Variants in MYOM2 observed in about 807,000 individuals in gnomAD.
MYOM2 encodes the protein myomesin 2, also known as myomesin-2.
A neutral mutation model predicts 187.6 loss-of-function variants in MYOM2; 254 were observed. The observed-to-expected ratio is 1.35, with a 90% CI of 1.22 to 1.50. The LOEUF (loss-of-function observed/expected upper bound fraction) is 1.50, where lower values mean the gene tolerates loss of function less well. Among genes scored for constraint, MYOM2 ranks in the 40% most tolerant of loss-of-function variants. MYOM2 has a pLI of 0.00. For missense variants in MYOM2, 2,796 were observed against 1,924.0 expected, an observed-to-expected ratio of 1.45 and a Z score of -8.48; for synonymous variants, 981 against 753.8, an observed-to-expected ratio of 1.30 and a Z score of -4.94.
intron 32 of MYOM2, among the ~76,000 whole-genome samples, chr8:2,136,554 T>G (rs953399817): frequency 2.0e-5 from 3 of 152,176 alleles, no homozygotes; most frequent in Non-Finnish European, 2.9e-5. Context: ...GGTCACTTTT[T>G]AAAAGTGAAA....
chr8:2,115,889 T>A, intron 25 of MYOM2, 71 bp from the exon 26 acceptor site: 1 of 1,522,816 alleles, frequency 6.6e-7, no homozygotes, highest in Non-Finnish European at 8.9e-7. Context: ...GATGCAATTG[T>A]TAAATGTTGC....
intron 25 of MYOM2, among the ~76,000 whole-genome samples, chr8:2,113,647 T>A (rs10098939): frequency 6.6e-6 from 1 of 151,988 alleles, no homozygotes; most frequent in Non-Finnish European, 1.5e-5. Flanking sequence ...AAGGTCTCAG[T>A]TGATCAAGAA....
chr8:2,104,504 C>T (rs1042915242), intron 21 of MYOM2, among the ~76,000 whole-genome samples: 1 of 151,406 alleles, frequency 6.6e-6, no homozygotes, highest in Non-Finnish European at 1.5e-5. Context: ...ACTCAGGAGG[C>T]GGAGGCAGGA....
At chr8:2,100,601 G>A (rs1388805218) in intron 19 of MYOM2, 7 of 438,320 alleles carry the variant, frequency 1.6e-5, no homozygotes, top group East Asian at 7.5e-5. Context: ...CTCTGTGATC[G>A]CATCTGCTGG....
intron 30 of MYOM2, 33 bp downstream of exon 30, chr8:2,123,675 G>T: frequency 6.3e-7 from 1 of 1,578,902 alleles, no homozygotes; most frequent in Non-Finnish European, 8.7e-7. Flanking sequence ...CTGTGAACAA[G>T]AAATTCCTTT....
chr8:2,122,814 T>C (rs1797502060), intron 28 of MYOM2, among the ~76,000 whole-genome samples: 1 of 152,230 alleles, frequency 6.6e-6, no homozygotes, highest in East Asian at 1.9e-4. Context: ...TAAGATTTCA[T>C]TTTCTTTGTG....
intron 17 of MYOM2, among the ~76,000 whole-genome samples, chr8:2,095,479 A>G (rs545821142): frequency 2.0e-5 from 3 of 151,888 alleles, no homozygotes; most frequent in South Asian, 2.1e-4. Flanking sequence ...TTTTGTAGAG[A>G]TGGGGTTTTA....
chr8:2,059,393 G>A (rs1350608215), intron 6 of MYOM2, 148 bp downstream of exon 6: 1 of 637,062 alleles, frequency 1.6e-6, no homozygotes, highest in Non-Finnish European at 2.7e-6. Context: ...TGAGTTAATG[G>A]TACTGGTGTT....
chr8:2,106,630 T>A (rs1431223637), intron 23 of MYOM2, 33 bp downstream of exon 23: 1 of 1,479,616 alleles, frequency 6.8e-7, no homozygotes, highest in East Asian at 2.3e-5. Context: ...TTGCCTGTTT[T>A]GGTTTTATCA....
Position 2,076,487 on chromosome 8 carries a change from G to A in MYOM2, c.1262+205G>A, listed in dbSNP as rs1306921468. The stretch of plus-strand genomic sequence containing the variant: ...GGCTGAGCCCAGCATAACCACACTG[G>A]GTTTCTTTTTGTTGAAAGTGGAGGC... On this transcript the variant is annotated intron_variant, in intron 11 of 36. Coordinates refer to ENST00000262113, the MANE Select transcript of MYOM2 (RefSeq NM_003970.4). 7.7e-6 allele frequency: 5 copies of A among 651,750 alleles called. No homozygotes were observed. In the South Asian group the frequency reaches 1.1e-4, roughly 15 times the overall value. The allele number at this position is 651,750 out of a possible 1,614,324, so 40.4% of individuals were successfully genotyped here.
Position 2,078,773 on chromosome 8 carries a change from T to C in MYOM2, c.1302T>C (p.Asp434=), listed in dbSNP as rs1268188329. 1.8e-5 allele frequency: 29 copies of C among 1,614,078 alleles called. No homozygotes were observed. The highest frequency in any genetic ancestry group is 2.2e-5 in the Non-Finnish European group (26 of 1,180,046). The change falls in exon 12 of 37, where the codon GAT becomes GAC. Residue 434 remains aspartate, a synonymous_variant. Coordinates refer to ENST00000262113, the MANE Select transcript of MYOM2 (RefSeq NM_003970.4). ...VGTNNWVQCN[D]APVKICKYPV... ...CGAATAATTGGGTGCAGTGCAATGATGCACCGGTGAAAATCTGCAAATACC... is the reference window on the plus strand; with the variant it reads ...CGAATAATTGGGTGCAGTGCAATGACGCACCGGTGAAAATCTGCAAATACC...
chr8:2,110,108 A>G lies in MYOM2; in HGVS notation c.3180+577A>G, dbSNP rs114678724. 5.9e-3 allele frequency among the ~76,000 whole-genome samples: 894 copies of G among 152,254 alleles called. 13 individuals are homozygous for G. Among genetic ancestry groups the G allele is most frequent in the African/African-American group, 0.02 (844 of 41,554 alleles). On this transcript the variant is annotated intron_variant, in intron 25 of 36. Transcript: ENST00000262113. ...GAGGCCGAGATGGGGGCATTGCTTGATCCCAGGAGTTCAAGACCAGCCTGG... is the reference window on the plus strand; with the variant it reads ...GAGGCCGAGATGGGGGCATTGCTTGGTCCCAGGAGTTCAAGACCAGCCTGG...
Position 2,096,270 on chromosome 8 carries a change from A to T in MYOM2, c.2149A>T (p.Ile717Phe). 3 of 1,614,082 alleles carry T rather than the reference A, an allele frequency of 1.9e-6. No homozygotes were observed. The highest frequency in any genetic ancestry group is 2.5e-6 in the Non-Finnish European group (3 of 1,180,020). ...ALTVPSHPYG[I>F]TLLNCDGHSM... ...AGCCGTCCCGTCCCATCCTTATGGG[A>T]TTACGCTCCTCAACTGTGACGGCCA... The change falls in exon 18 of 37, where the codon ATT (isoleucine) becomes TTT (phenylalanine). Residue 717 changes from isoleucine (I) to phenylalanine (F), a missense_variant. Transcript: ENST00000262113.
intron 6 of MYOM2, among the ~76,000 whole-genome samples, chr8:2,065,363 G>A (rs1012481854): frequency 1.3e-5 from 2 of 152,168 alleles, no homozygotes; most frequent in African/African-American, 4.8e-5. Context: ...GAGGTCAGGA[G>A]TTTGAGACCA....
rs1249665776 is a variant in MYOM2, at chr8:2,080,799, A to T, written c.1516+1186A>T. Among the ~76,000 whole-genome samples the T allele has an allele frequency of 2.6e-5, 4 of 152,068 alleles. 1 individual carries two copies. Among genetic ancestry groups the T allele is most frequent in the Middle Eastern group, 3.2e-3 (1 of 316 alleles). On this transcript the variant is annotated intron_variant, in intron 13 of 36. Coordinates refer to ENST00000262113, the MANE Select transcript of MYOM2 (RefSeq NM_003970.4). ...CTTGAGGCCGACGAGCCCGTGTAGA[A>T]TGAGGTTGGTTCTGGCCTCCGGGAG...
chr8:2,120,658 G>GTATATATATATATATTATA (rs1797397214), intron 28 of MYOM2, among the ~76,000 whole-genome samples: 1 of 2,822 alleles, frequency 3.5e-4, no homozygotes, highest in Non-Finnish European at 1.2e-3. Flanking sequence ...TTGATTTCCT[G>GTATATATATATATATTATA]TATATATATA....
At chr8:2,090,940 A>G (rs1899069) in intron 15 of MYOM2, among the ~76,000 whole-genome samples, 108,438 of 150,556 alleles carry the variant, frequency 0.72, 42,033 homozygotes, top group South Asian at 0.91. Context: ...TCGCATCCAT[A>G]TGTCTTTATG....
chr8:2,087,698 C>T (rs1043983290), intron 14 of MYOM2, among the ~76,000 whole-genome samples: 2 of 152,342 alleles, frequency 1.3e-5, no homozygotes. Flanking sequence ...GCAGTCTCCA[C>T]CTCCTGGGCT....
intron 17 of MYOM2, among the ~76,000 whole-genome samples, chr8:2,095,338 C>G (rs1436567259): frequency 1.3e-5 from 2 of 148,880 alleles, no homozygotes; most frequent in Non-Finnish European, 3.0e-5. Flanking sequence ...GTTGCTCAGG[C>G]TGGGGTGCAG....
Sources: gnomAD v4.1 joint callset for allele counts (sites outside exome capture counted in the v4.1 genomes callset) on GRCh38, gnomAD v4.1.1 for gene constraint, MANE v1.5 for transcripts, NCBI Gene and HGNC (gene_info 2026-07-23, HGNC 2026-07-21) for gene names.